Variants in DPP10 observed in about 807,000 individuals in gnomAD.
DPP10 encodes dipeptidyl peptidase like 10, also known as inactive dipeptidyl peptidase 10.
DPP10 carries 33 observed loss-of-function variants against 120.9 expected under a neutral mutation model. The ratio of observed to expected loss-of-function variants is 0.27; its 90% CI spans 0.21 to 0.37. The LOEUF is 0.37. Ranked by LOEUF, DPP10 falls within the 10% of genes least tolerant of loss-of-function variation. The probability of loss-of-function intolerance (pLI) is 1.00; values close to 1 mark genes in which losing one functional copy is unlikely to be tolerated. For missense variants in DPP10, 816 were observed against 942.8 expected (o/e 0.87, Z 1.76); for synonymous variants, 337 against 326.1 (o/e 1.03, Z -0.36).
chr2:115,240,240 T>G (rs1393778390), intron 1 of DPP10, among the ~76,000 whole-genome samples: 1 of 152,206 alleles, frequency 6.6e-6, no homozygotes, highest in Non-Finnish European at 1.5e-5. Context: ...GTGTTCCTGT[T>G]TCTCCACATC....
intron 1 of DPP10, among the ~76,000 whole-genome samples, chr2:114,710,199 T>G (rs1230983288): frequency 1.3e-5 from 2 of 152,242 alleles, no homozygotes; most frequent in African/African-American, 4.8e-5. Context: ...CACATACCTA[T>G]GCTTAATTCA....
At chr2:114,526,487 T>C (rs1685508946) in intron 1 of DPP10, among the ~76,000 whole-genome samples, 1 of 152,194 alleles carries the variant, frequency 6.6e-6, no homozygotes, top group South Asian at 2.1e-4. Context: ...TAATCTAAAA[T>C]ATCCCATAGA....
chr2:115,047,589 T>C (rs1705160469), intron 1 of DPP10, among the ~76,000 whole-genome samples: 1 of 152,020 alleles, frequency 6.6e-6, no homozygotes, highest in South Asian at 2.1e-4. Flanking sequence ...CTAAATGCTG[T>C]AAAATAACAA....
chr2:114,652,538 T>C (rs1313315384), intron 1 of DPP10, among the ~76,000 whole-genome samples: 2 of 152,202 alleles, frequency 1.3e-5, no homozygotes, highest in Non-Finnish European at 2.9e-5. Context: ...GCAGCAGGTG[T>C]TACGAATTCA....
At chr2:114,961,477 G>GCA (rs1698630309) in intron 1 of DPP10, among the ~76,000 whole-genome samples, 3 of 151,562 alleles carry the variant, frequency 2.0e-5, no homozygotes, top group African/African-American at 7.3e-5. Context: ...GTGTGCGCGC[G>GCA]CACATTTCAG....
chr2:114,761,704 C>T (rs1680298445), intron 1 of DPP10, among the ~76,000 whole-genome samples: 1 of 152,140 alleles, frequency 6.6e-6, no homozygotes, highest in African/African-American at 2.4e-5. Flanking sequence ...CTGTCTAAAT[C>T]TATTTGAGCT....
At chr2:114,549,663 CAAAAAAAAAAAAA>C (rs869226518) in intron 1 of DPP10, among the ~76,000 whole-genome samples, 1 of 76,492 alleles carries the variant, frequency 1.3e-5, no homozygotes, top group South Asian at 5.2e-4. Context: ...TGTGTGTCAA[CAAAAAAAAAAAAA>C]AAAAAAAAAG....
intron 5 of DPP10, among the ~76,000 whole-genome samples, chr2:115,583,785 A>G (rs1427351575): frequency 6.6e-6 from 1 of 152,194 alleles, no homozygotes; most frequent in Non-Finnish European, 1.5e-5. Flanking sequence ...CATCTTTAAT[A>G]TTCACATTTC....
chr2:115,154,446 T>C (rs1430708787), intron 1 of DPP10, among the ~76,000 whole-genome samples: 1 of 152,132 alleles, frequency 6.6e-6, no homozygotes, highest in Non-Finnish European at 1.5e-5. Flanking sequence ...GTAGATCAGA[T>C]GCTGATATGA....
intron 1 of DPP10, among the ~76,000 whole-genome samples, chr2:114,827,435 C>T (rs956563742): frequency 2.6e-5 from 4 of 152,090 alleles, no homozygotes; most frequent in African/African-American, 9.7e-5. Context: ...GACTTGTTGA[C>T]CATGACTCAT....
rs570093801 is a variant in DPP10, at chr2:115,230,059, A to C, written c.61-79180A>C. 8.6e-5 allele frequency among the ~76,000 whole-genome samples: 13 copies of C among 151,874 alleles called. No homozygotes were observed. The South Asian group carries it at 2.7e-3, about 32-fold the overall frequency. On this transcript the variant is annotated intron_variant, in intron 1 of 25. Coordinates refer to ENST00000410059, the MANE Select transcript of DPP10 (RefSeq NM_020868.6). ...GATTCTTCGAGCCCATGAACACGGA[A>C]TATCTTTGTATTTTTCTTGGGTCTC...
At chr2:115,179,439 T>A (rs967281578) in intron 1 of DPP10, among the ~76,000 whole-genome samples, 3 of 152,150 alleles carry the variant, frequency 2.0e-5, no homozygotes, top group African/African-American at 7.2e-5. Context: ...TACGTTTTCT[T>A]ATATACCGTG....
At chr2:115,500,243 T>C (rs2076614514) in intron 4 of DPP10, among the ~76,000 whole-genome samples, 1 of 151,996 alleles carries the variant, frequency 6.6e-6, no homozygotes, top group Non-Finnish European at 1.5e-5. Flanking sequence ...AATGAATCAG[T>C]ATTGCAAATG....
chr2:114,912,399 A>G (rs564852381), intron 1 of DPP10, among the ~76,000 whole-genome samples: 75 of 152,318 alleles, frequency 4.9e-4, no homozygotes, highest in Non-Finnish European at 8.4e-4. Flanking sequence ...GAAGTTTGCT[A>G]TGAATAATAA....
At chr2:115,590,112 T>C (rs1484774770) in intron 5 of DPP10, among the ~76,000 whole-genome samples, 3 of 138,688 alleles carry the variant, frequency 2.2e-5, no homozygotes, top group Non-Finnish European at 4.5e-5. Context: ...CCTGCTTTCC[T>C]TTTCTTTTTT....
intron 21 of DPP10, among the ~76,000 whole-genome samples, chr2:115,819,132 A>T (rs1218691500): frequency 1.3e-5 from 2 of 152,218 alleles, no homozygotes; most frequent in African/African-American, 2.4e-5. Context: ...TTCCCTGGAA[A>T]AATTTGTTTA....
At chr2:114,500,878 G>C (rs1163781480) in intron 1 of DPP10, among the ~76,000 whole-genome samples, 1 of 152,182 alleles carries the variant, frequency 6.6e-6, no homozygotes, top group African/African-American at 2.4e-5. Context: ...GTTCTCCATG[G>C]GAGACTGTCA....
At chr2:115,396,884 T>TG (rs2067717332) in intron 3 of DPP10, among the ~76,000 whole-genome samples, 1 of 151,946 alleles carries the variant, frequency 6.6e-6, no homozygotes, top group South Asian at 2.1e-4. Context: ...AAAATGAACT[T>TG]GCAATGTGAA....
chr2:114,804,159 C>T (rs922374713), intron 1 of DPP10, among the ~76,000 whole-genome samples: 4 of 152,202 alleles, frequency 2.6e-5, no homozygotes, highest in Non-Finnish European at 5.9e-5. Context: ...TGGCAGCTTC[C>T]ATGTGGTGTT....
Sources: allele counts gnomAD v4.1 joint callset (sites outside exome capture counted in the v4.1 genomes callset), GRCh38; gene constraint gnomAD v4.1.1; transcripts MANE v1.5; gene names NCBI Gene and HGNC (gene_info 2026-07-23, HGNC 2026-07-21).